Variants in TRPC1 observed in about 807,000 individuals in gnomAD.
TRPC1 encodes transient receptor potential cation channel subfamily C member 1, also known as short transient receptor potential channel 1.
Under a neutral mutation model 88.2 loss-of-function variants are expected in TRPC1, and 42 were observed. The observed-to-expected ratio is 0.48, with a 90% CI of 0.37 to 0.62. The LOEUF is 0.62. TRPC1 is among the 20% of genes least tolerant of loss of function. The probability of loss-of-function intolerance (pLI) is 0.00; values close to 1 mark genes in which losing one functional copy is unlikely to be tolerated. For synonymous variants in TRPC1, 288 were observed against 331.8 expected, an observed-to-expected ratio of 0.87 and a Z score of 1.43; for missense variants, 699 against 957.3, an observed-to-expected ratio of 0.73 and a Z score of 3.56.
At chr3:142,754,001 C>T (rs1423942118) in intron 4 of TRPC1, among the ~76,000 whole-genome samples, 1 of 148,774 alleles carries the variant, frequency 6.7e-6, no homozygotes, top group Non-Finnish European at 1.5e-5. Flanking sequence ...GGGAGGATTA[C>T]CTGTGCCCAG....
At chr3:142,760,415 T>A (rs141015542) in intron 4 of TRPC1, among the ~76,000 whole-genome samples, 76 of 152,216 alleles carry the variant, frequency 5.0e-4, no homozygotes, top group African/African-American at 1.8e-3. Context: ...TATATGTGGG[T>A]CTGTATTATG....
chr3:142,774,130 C>T (rs1321325936), intron 4 of TRPC1, among the ~76,000 whole-genome samples: 3 of 152,136 alleles, frequency 2.0e-5, no homozygotes, highest in African/African-American at 7.2e-5. Context: ...TCTGCTAATG[C>T]ACCTTCAGCC....
At chr3:142,747,507 T>C (rs1429965174) in intron 3 of TRPC1, among the ~76,000 whole-genome samples, 3 of 152,176 alleles carry the variant, frequency 2.0e-5, no homozygotes, top group African/African-American at 7.2e-5. Context: ...AATACAAACC[T>C]GGATTCTGAT....
In TRPC1 at chr3:142,791,017, A is replaced by C. The variant is rs995473297; in HGVS notation, c.1298-2A>C. 1 of 1,568,694 alleles carries C rather than the reference A, an allele frequency of 6.4e-7. No homozygotes were observed. Reference sequence around the variant, plus strand: ...ATCTGATTTTTTTCTTCCTTTTCTCAGGGATGATTTGGTCAGACATTAAAA... The same window carrying C: ...ATCTGATTTTTTTCTTCCTTTTCTCCGGGATGATTTGGTCAGACATTAAAA... On this transcript the variant is annotated splice_acceptor_variant, in intron 7 of 12. Transcript: ENST00000476941. LOFTEE classifies it high-confidence loss of function.
chr3:142,801,278 T>C (rs1412133671), intron 9 of TRPC1: 1 of 151,068 alleles, frequency 6.6e-6, no homozygotes, highest in African/African-American at 2.5e-5. Flanking sequence ...CCCCAAAAAA[T>C]ATTAAAAAAT....
At chr3:142,771,434 A>G (rs1935573575) in intron 4 of TRPC1, among the ~76,000 whole-genome samples, 1 of 152,118 alleles carries the variant, frequency 6.6e-6, no homozygotes, top group Non-Finnish European at 1.5e-5. Flanking sequence ...CCAGCCTTCC[A>G]AAGTGCTAGG....
In TRPC1 at chr3:142,803,699, T is replaced by C. The variant is rs1431930793; in HGVS notation, c.1758-278T>C. 2.0e-5 allele frequency among the ~76,000 whole-genome samples: 3 copies of C among 151,956 alleles called. No individual in the cohort carries two copies. The East Asian group carries it at 5.8e-4, about 29-fold the overall frequency. ...TTTTGAGCAGAGGTGTGACAAAATC[T>C]AATTAGATGTTAACAAATCATATAG... On this transcript the variant is annotated intron_variant, in intron 10 of 12. Coordinates refer to ENST00000476941, the MANE Select transcript of TRPC1 (RefSeq NM_001251845.2).
chr3:142,789,730 C>A (rs1936239978), intron 7 of TRPC1, among the ~76,000 whole-genome samples: 1 of 152,146 alleles, frequency 6.6e-6, no homozygotes. Context: ...GTCTGGTACC[C>A]ATAAAAATAT....
chr3:142,770,114 T>G (rs1258745747), intron 4 of TRPC1, among the ~76,000 whole-genome samples: 1 of 147,188 alleles, frequency 6.8e-6, no homozygotes, highest in Non-Finnish European at 1.5e-5. Flanking sequence ...TTTTTTTTTT[T>G]TGAGACAGAG....
At chr3:142,763,195 C>A (rs975087519) in intron 4 of TRPC1, among the ~76,000 whole-genome samples, 14 of 151,880 alleles carry the variant, frequency 9.2e-5, no homozygotes, top group African/African-American at 3.1e-4. Context: ...AGATCTAGTG[C>A]GTAGTTTAAT....
At chr3:142,736,874 A>G (rs1934157888) in intron 2 of TRPC1, among the ~76,000 whole-genome samples, 1 of 152,250 alleles carries the variant, frequency 6.6e-6, no homozygotes, top group East Asian at 1.9e-4. Context: ...AAATAGTACA[A>G]ATACTCTGGA....
intron 2 of TRPC1, among the ~76,000 whole-genome samples, chr3:142,738,508 C>A (rs1433829786): frequency 6.6e-6 from 1 of 152,144 alleles, no homozygotes; most frequent in Non-Finnish European, 1.5e-5. Context: ...TAAGAGCTTT[C>A]ATGTATCTTG....
chr3:142,802,634 C>T (rs1438193111), intron 10 of TRPC1, among the ~76,000 whole-genome samples: 2 of 151,976 alleles, frequency 1.3e-5, no homozygotes, highest in African/African-American at 4.8e-5. Context: ...AATTCTTTGT[C>T]ATTCCTATGT....
At chr3:142,753,608 T>G (rs371109736) in intron 4 of TRPC1, among the ~76,000 whole-genome samples, 3 of 149,468 alleles carry the variant, frequency 2.0e-5, no homozygotes, top group African/African-American at 7.4e-5. Flanking sequence ...CTACTAACAG[T>G]ACAAAAATTA....
At chr3:142,758,173 C>T (rs758535184) in intron 4 of TRPC1, among the ~76,000 whole-genome samples, 14 of 152,066 alleles carry the variant, frequency 9.2e-5, no homozygotes, top group Non-Finnish European at 1.8e-4. Flanking sequence ...ATACTGTTCT[C>T]TGGTAGTTCT....
At chr3:142,769,605 T>C (rs1935507500) in intron 4 of TRPC1, among the ~76,000 whole-genome samples, 1 of 152,208 alleles carries the variant, frequency 6.6e-6, no homozygotes, top group South Asian at 2.1e-4. Flanking sequence ...ATCTCAGTTT[T>C]TTATTTTCCT....
chr3:142,758,268 C>A (rs972228153), intron 4 of TRPC1, among the ~76,000 whole-genome samples: 4 of 152,092 alleles, frequency 2.6e-5, no homozygotes, highest in Admixed American at 2.0e-4. Context: ...TGTGAGAGTT[C>A]CCCTTTGTCC....
intron 3 of TRPC1, 139 bp downstream of exon 3, chr3:142,743,725 AAAGTGGACACT>A (rs1934436358): frequency 2.0e-6 from 1 of 495,852 alleles, no homozygotes; most frequent in Non-Finnish European, 3.4e-6. Context: ...TAAAATATTA[AAAGTGGACACT>A]TGCAGGAATA....
chr3:142,745,974 C>T (rs1934537167), intron 3 of TRPC1, among the ~76,000 whole-genome samples: 1 of 152,094 alleles, frequency 6.6e-6, no homozygotes, highest in South Asian at 2.1e-4. Context: ...CCAGTCTGGT[C>T]TGGAACTCTT....
Sources: gnomAD v4.1 joint callset for allele counts (sites outside exome capture counted in the v4.1 genomes callset) on GRCh38, gnomAD v4.1.1 for gene constraint, MANE v1.5 for transcripts, NCBI Gene and HGNC (gene_info 2026-07-23, HGNC 2026-07-21) for gene names.